The following ELMO1 variants were observed in gnomAD, a reference collection of about 807,000 sequenced individuals.
ELMO1 encodes engulfment and cell motility protein 1.
A neutral mutation model predicts 98.9 loss-of-function variants in ELMO1; 26 were observed. That is an observed-to-expected ratio of 0.26 (90% confidence interval 0.19 to 0.36). The LOEUF is 0.36. Among genes scored for constraint, ELMO1 ranks in the 10% least tolerant of loss-of-function variants. ELMO1 has a pLI of 1.00. For synonymous variants in ELMO1, 346 were observed against 346.0 expected, an observed-to-expected ratio of 1.00 and a Z score of 0.00; for missense variants, 627 against 935.2, an observed-to-expected ratio of 0.67 and a Z score of 4.30.
intron 1 of ELMO1, among the ~76,000 whole-genome samples, chr7:37,417,737 G>T (rs1804291213): frequency 6.6e-6 from 1 of 151,940 alleles, no homozygotes; most frequent in East Asian, 1.9e-4. Context: ...AGCTACTCGG[G>T]AGGCTGAGGC....
intron 11 of ELMO1, among the ~76,000 whole-genome samples, chr7:37,216,387 G>A (rs60531434): frequency 9.4e-4 from 143 of 151,850 alleles, no homozygotes; most frequent in Middle Eastern, 3.4e-3. Flanking sequence ...CAACCCTTCC[G>A]GCCAGAATGC....
intron 15 of ELMO1, among the ~76,000 whole-genome samples, chr7:37,079,489 C>G (rs1447802728): frequency 1.3e-5 from 2 of 152,198 alleles, no homozygotes; most frequent in South Asian, 2.1e-4. Context: ...TATCTCCTCA[C>G]AGCCATCAGT....
intron 19 of ELMO1, among the ~76,000 whole-genome samples, chr7:36,876,572 A>G (rs1046308733): frequency 6.6e-6 from 1 of 152,112 alleles, no homozygotes; most frequent in Non-Finnish European, 1.5e-5. Flanking sequence ...GTCCCCACCC[A>G]CTGAGTTTCT....
chr7:36,912,989 A>C (rs1784442982), intron 16 of ELMO1, among the ~76,000 whole-genome samples: 1 of 152,128 alleles, frequency 6.6e-6, no homozygotes, highest in African/African-American at 2.4e-5. Flanking sequence ...CTGTGAAAGG[A>C]TCTCAAAGTC....
chr7:37,411,275 G>A (rs75532300), intron 1 of ELMO1, among the ~76,000 whole-genome samples: 11,625 of 152,174 alleles, frequency 0.076, 629 homozygotes, highest in Admixed American at 0.17. Flanking sequence ...TTCATTTACC[G>A]CTAGCCGTTG....
chr7:36,965,380 C>G (rs1789329796), intron 16 of ELMO1, among the ~76,000 whole-genome samples: 1 of 152,180 alleles, frequency 6.6e-6, no homozygotes, highest in Admixed American at 6.5e-5. Context: ...ATTAAAGGCA[C>G]TTTTCCCCTA....
intron 14 of ELMO1, among the ~76,000 whole-genome samples, chr7:37,120,558 C>T (rs969608184): frequency 3.1e-4 from 47 of 152,282 alleles, no homozygotes; most frequent in African/African-American, 9.1e-4. Flanking sequence ...CAAACTTCAA[C>T]GCGGCAGCGA....
At chr7:37,439,361 G>A in intron 1 of ELMO1, among the ~76,000 whole-genome samples, 1 of 152,120 alleles carries the variant, frequency 6.6e-6, no homozygotes, top group East Asian at 1.9e-4. Flanking sequence ...TTAATACTCA[G>A]CTTTCCAGAT....
At chr7:36,972,006 G>T (rs367638983) in intron 16 of ELMO1, among the ~76,000 whole-genome samples, 11 of 152,158 alleles carry the variant, frequency 7.2e-5, no homozygotes, top group African/African-American at 2.7e-4. Context: ...GTGATTCATG[G>T]GTCTGGGGTG....
At chr7:36,892,588 C>G (rs960142727) in intron 17 of ELMO1, among the ~76,000 whole-genome samples, 5 of 152,218 alleles carry the variant, frequency 3.3e-5, no homozygotes, top group African/African-American at 1.2e-4. Flanking sequence ...CATACATGGT[C>G]TACTCCTCTA....
chr7:37,250,368 G>A (rs768546998), intron 6 of ELMO1, among the ~76,000 whole-genome samples: 4 of 152,224 alleles, frequency 2.6e-5, no homozygotes, highest in Non-Finnish European at 4.4e-5. Flanking sequence ...GCATATGTGT[G>A]TATCTAAAAG....
intron 16 of ELMO1, chr7:36,985,171 A>G (rs1380713753): frequency 7.5e-6 from 7 of 930,090 alleles, no homozygotes; most frequent in Non-Finnish European, 9.0e-6. Flanking sequence ...GCAATAGCTC[A>G]GAGCATCCCT....
chr7:37,187,561 ATAT>A (rs1791291515), intron 13 of ELMO1, among the ~76,000 whole-genome samples: 1 of 152,186 alleles, frequency 6.6e-6, no homozygotes, highest in African/African-American at 2.4e-5. Context: ...TTCTAATAAC[ATAT>A]TATGCTTTTA....
chr7:37,039,120 T>C (rs906369289), intron 15 of ELMO1, among the ~76,000 whole-genome samples: 2 of 152,136 alleles, frequency 1.3e-5, no homozygotes, highest in African/African-American at 4.8e-5. Flanking sequence ...AATGAGTCAC[T>C]GCTCCAATTT....
At chr7:37,310,083 A>C (rs1457110817) in intron 4 of ELMO1, among the ~76,000 whole-genome samples, 1 of 152,224 alleles carries the variant, frequency 6.6e-6, no homozygotes, top group Non-Finnish European at 1.5e-5. Flanking sequence ...GGGAAAGACA[A>C]AAAAGGGGGT....
At chr7:37,259,146 G>C (rs376082287) in intron 6 of ELMO1, 35 bp downstream of exon 6, 17 of 1,587,698 alleles carry the variant, frequency 1.1e-5, no homozygotes, top group Non-Finnish European at 1.4e-5. Context: ...GAGACACGCA[G>C]GACAGCTGTG....
chr7:37,407,292 G>A (rs560783051), intron 1 of ELMO1, among the ~76,000 whole-genome samples: 1 of 152,148 alleles, frequency 6.6e-6, no homozygotes, highest in South Asian at 2.1e-4. Flanking sequence ...GGCAGATCAC[G>A]AGGTCAGGAG....
chr7:36,910,238 G>A (rs1041545426), intron 16 of ELMO1, among the ~76,000 whole-genome samples: 3 of 152,214 alleles, frequency 2.0e-5, no homozygotes, highest in African/African-American at 4.8e-5. Flanking sequence ...AAAATCATAC[G>A]CCATATAGTG....
chr7:37,077,107 G>A (rs947542503), intron 15 of ELMO1, among the ~76,000 whole-genome samples: 1 of 152,248 alleles, frequency 6.6e-6, no homozygotes, highest in African/African-American at 2.4e-5. Context: ...TTACATACAT[G>A]TTGGATTAAA....
Sources: allele counts gnomAD v4.1 joint callset (sites outside exome capture counted in the v4.1 genomes callset), GRCh38; gene constraint gnomAD v4.1.1; transcripts MANE v1.5; gene names NCBI Gene and HGNC (gene_info 2026-07-23, HGNC 2026-07-21).